Variants in SLC7A7 observed in about 807,000 individuals in gnomAD.
SLC7A7 encodes the protein solute carrier family 7 member 7, also known as Y+L amino acid transporter 1.
SLC7A7 carries 39 observed loss-of-function variants against 47.9 expected under a neutral mutation model. That is an observed-to-expected ratio of 0.81 (90% CI 0.63 to 1.06). The LOEUF is 1.06. Ranked by LOEUF, SLC7A7 falls within the 50% of genes least tolerant of loss-of-function variation. The probability of loss-of-function intolerance (pLI) is 0.00; values close to 1 mark genes in which losing one functional copy is unlikely to be tolerated. For missense variants in SLC7A7, 588 were observed against 632.0 expected (o/e 0.93, Z 0.75); for synonymous variants, 234 against 242.8 (o/e 0.96, Z 0.34).
In SLC7A7 at chr14:22,773,599, C is replaced by G; in HGVS notation, c.*11G>C. The G allele has an allele frequency of 6.2e-7, 1 of 1,607,514 alleles. No individual in the cohort carries two copies. Among genetic ancestry groups the G allele is most frequent in the Non-Finnish European group, 8.5e-7 (1 of 1,173,880 alleles). ...AACCCCTGCTTTCCACATCAGGATTCCAGATGGTGTTTAGTTAGATTTGGG... is the reference window on the plus strand; with the variant it reads ...AACCCCTGCTTTCCACATCAGGATTGCAGATGGTGTTTAGTTAGATTTGGG... On this transcript the variant is annotated 3_prime_UTR_variant, in exon 10 of 10. Coordinates refer to ENST00000674313, the MANE Select transcript of SLC7A7 (RefSeq NM_003982.4).
intron 2 of SLC7A7, among the ~76,000 whole-genome samples, chr14:22,800,010 C>A (rs764489770): frequency 6.6e-6 from 1 of 152,144 alleles, no homozygotes; most frequent in Non-Finnish European, 1.5e-5. Context: ...ATGTTATTGT[C>A]ATCAACAACT....
chr14:22,775,677 A>G (rs1566440270), intron 6 of SLC7A7, 137 bp from the exon 7 acceptor site: 2 of 935,028 alleles, frequency 2.1e-6, no homozygotes, highest in Non-Finnish European at 3.5e-6. Context: ...GCTCAGTATT[A>G]AGATTAATGA....
chr14:22,806,850 A>G (rs1440834185), intron 2 of SLC7A7, among the ~76,000 whole-genome samples: 1 of 150,068 alleles, frequency 6.7e-6, no homozygotes, highest in Admixed American at 6.7e-5. Context: ...TACCTGTGAG[A>G]GCTCCCCGAC....
rs1566437899 is a variant in SLC7A7, at chr14:22,773,355, T to TA, written c.*254dup. 1 of 591,488 alleles carries TA rather than the reference T, an allele frequency of 1.7e-6. No homozygotes were observed. Among genetic ancestry groups the TA allele is most frequent in the Non-Finnish European group, 3.2e-6 (1 of 316,118 alleles). The allele number at this position is 591,488 out of a possible 1,614,324, so 36.6% of individuals were successfully genotyped here. On this transcript the variant is annotated 3_prime_UTR_variant, in exon 10 of 10. Transcript: ENST00000674313. ...GTAGGTAGGCACACCCAGGTGCTTC[T>TA]AAAACAACCAAGCCCAAACCTGACA...
At chr14:22,784,504 T>G (rs531120096) in intron 2 of SLC7A7, among the ~76,000 whole-genome samples, 10 of 151,826 alleles carry the variant, frequency 6.6e-5, no homozygotes, top group South Asian at 2.1e-4. Flanking sequence ...TGTAGTCCCA[T>G]CTACTTGGGA....
rs2039390963 is a variant in SLC7A7 at position 22,815,365 on chromosome 14, C to T, written c.-88G>A. 2.2e-6 allele frequency: 1 copy of T among 454,402 alleles called. No individual in the cohort carries two copies. The highest frequency in any genetic ancestry group is 2.4e-5 in the Admixed American group (1 of 42,534). 28.1% of individuals were successfully genotyped at this position (454,402 alleles called of 1,614,324 possible). A position where few individuals can be genotyped will look rare whatever the true frequency, so the allele number is the denominator to read the frequency against. On this transcript the variant is annotated 5_prime_UTR_variant, in exon 1 of 10. Transcript: ENST00000674313. ...CAGGTTCTCACGGCAGTGTGAGCAG[C>T]AGTCAGGGAGAGAAGTGCCTTCCAG...
intron 2 of SLC7A7, among the ~76,000 whole-genome samples, chr14:22,789,627 CA>C (rs71115580): frequency 0.035 from 3,987 of 112,448 alleles, 146 homozygotes; most frequent in African/African-American, 0.12. Flanking sequence ...GACTCTGGCT[CA>C]AAAAAAAAAA....
chr14:22,804,882 C>T (rs1019452637), intron 2 of SLC7A7, among the ~76,000 whole-genome samples: 1 of 152,062 alleles, frequency 6.6e-6, no homozygotes, highest in Admixed American at 6.6e-5. Context: ...GTGTGTACGC[C>T]TGTTATCCCA....
chr14:22,811,355 G>T (rs937209009), intron 2 of SLC7A7, among the ~76,000 whole-genome samples: 1 of 152,186 alleles, frequency 6.6e-6, no homozygotes, highest in Non-Finnish European at 1.5e-5. Flanking sequence ...ACAGTTGCAG[G>T]GTGGAAGGCA....
chr14:22,780,231 C>A, intron 2 of SLC7A7, 180 bp from the exon 3 acceptor site: 1 of 659,070 alleles, frequency 1.5e-6, no homozygotes, highest in Non-Finnish European at 2.6e-6. Flanking sequence ...CATTATCATA[C>A]AAAGGCCTCT....
At chr14:22,803,715 G>A (rs115702618) in intron 2 of SLC7A7, among the ~76,000 whole-genome samples, 3,177 of 152,234 alleles carry the variant, frequency 0.021, 115 homozygotes, top group African/African-American at 0.072. Context: ...CATAGGCCAC[G>A]GTAGAAATGT....
At chr14:22,799,453 T>C (rs1216569642) in intron 2 of SLC7A7, among the ~76,000 whole-genome samples, 2 of 131,876 alleles carry the variant, frequency 1.5e-5, no homozygotes, top group African/African-American at 2.8e-5. Context: ...TCTTTCTTTT[T>C]TTTTTTTTTT....
At chr14:22,790,630 A>G (rs189115382) in intron 2 of SLC7A7, among the ~76,000 whole-genome samples, 155 of 152,288 alleles carry the variant, frequency 1.0e-3, no homozygotes, top group African/African-American at 3.4e-3. Context: ...ATTTTTGAAC[A>G]AAGTATACTC....
At chr14:22,782,319 T>C (rs2038732898) in intron 2 of SLC7A7, among the ~76,000 whole-genome samples, 1 of 151,810 alleles carries the variant, frequency 6.6e-6, no homozygotes, top group Non-Finnish European at 1.5e-5. Context: ...GCCAGGCTTG[T>C]CGCAAACTCC....
At chr14:22,790,449 A>G (rs1274723969) in intron 2 of SLC7A7, among the ~76,000 whole-genome samples, 1 of 152,008 alleles carries the variant, frequency 6.6e-6, no homozygotes, top group Admixed American at 6.6e-5. Flanking sequence ...AACCCTTGAC[A>G]GCTCACTGGA....
intron 7 of SLC7A7, 102 bp from the exon 8 acceptor site, chr14:22,774,605 A>C: frequency 6.8e-7 from 1 of 1,472,376 alleles, no homozygotes; most frequent in Non-Finnish European, 9.5e-7. Context: ...TCAATCCTCA[A>C]AGTCTCCTGG....
In SLC7A7 at chr14:22,773,294, T is replaced by C. The variant is rs985071558; in HGVS notation, c.*316A>G. 1 of 487,604 alleles carries C rather than the reference T, an allele frequency of 2.1e-6. No individual in the cohort carries two copies. Among genetic ancestry groups the C allele is most frequent in the Non-Finnish European group, 4.0e-6 (1 of 250,760 alleles). 30.2% of individuals were successfully genotyped at this position (487,604 alleles called of 1,614,324 possible). A position where few individuals can be genotyped will look rare whatever the true frequency, so the allele number is the denominator to read the frequency against. The stretch of plus-strand genomic sequence containing the variant: ...ATGTCTCTCTAAAGGAGACAGGAAA[T>C]TGGAGCATTGTGGGCCCTTTTAAAA... On this transcript the variant is annotated 3_prime_UTR_variant, in exon 10 of 10. Coordinates refer to ENST00000674313, the MANE Select transcript of SLC7A7 (RefSeq NM_003982.4).
At chr14:22,814,959 G>A (rs2281678) in intron 1 of SLC7A7, 80,637 of 195,064 alleles carry the variant, frequency 0.41, 19,172 homozygotes, top group Admixed American at 0.52. Context: ...TCCTGCTATC[G>A]ATCCCTCACA....
At chr14:22,799,448 C>CTTTTTTTTT (rs56375225) in intron 2 of SLC7A7, among the ~76,000 whole-genome samples, 9 of 76,184 alleles carry the variant, frequency 1.2e-4, no homozygotes, top group Admixed American at 4.2e-4. Context: ...TTTTTTCTTT[C>CTTTTTTTTT]TTTTTTTTTT....
Sources: allele counts gnomAD v4.1 joint callset (sites outside exome capture counted in the v4.1 genomes callset), GRCh38; gene constraint gnomAD v4.1.1; transcripts MANE v1.5; gene names NCBI Gene and HGNC (gene_info 2026-07-23, HGNC 2026-07-21).